The following CNTN4 variants were observed in gnomAD, a reference collection of about 807,000 sequenced individuals.
CNTN4 encodes contactin 4.
A neutral mutation model predicts 122.5 loss-of-function variants in CNTN4; 77 were observed. That is an observed-to-expected ratio of 0.63 (90% confidence interval 0.52 to 0.76). The LOEUF (loss-of-function observed/expected upper bound fraction) is 0.76. Ranked by LOEUF, CNTN4 falls within the 30% of genes least tolerant of loss-of-function variation. CNTN4 has a pLI of 0.00. For missense variants in CNTN4, 1,256 were observed against 1,259.1 expected (o/e 1.00, Z 0.04); for synonymous variants, 512 against 447.0 (o/e 1.15, Z -1.83).
intron 13 of CNTN4, among the ~76,000 whole-genome samples, chr3:2,934,831 C>G (rs1487150991): frequency 6.6e-6 from 1 of 152,236 alleles, no homozygotes; most frequent in African/African-American, 2.4e-5. Context: ...AGCGTCATTG[C>G]TCTAGTTAGA....
chr3:2,600,829 TG>T (rs201990664), intron 4 of CNTN4, among the ~76,000 whole-genome samples: 2,653 of 152,296 alleles, frequency 0.017, 39 homozygotes, highest in African/African-American at 0.045. Context: ...AGTGTAAAAG[TG>T]TTCCTATTTC....
At chr3:2,908,017 G>A (rs1396302196) in intron 12 of CNTN4, among the ~76,000 whole-genome samples, 1 of 152,112 alleles carries the variant, frequency 6.6e-6, no homozygotes, top group Non-Finnish European at 1.5e-5. Context: ...ACTCCTCCTA[G>A]ATCTTTTCTG....
intron 14 of CNTN4, among the ~76,000 whole-genome samples, chr3:3,012,437 G>A (rs955469835): frequency 2.0e-5 from 3 of 151,750 alleles, no homozygotes; most frequent in East Asian, 3.9e-4. Context: ...TTGTTTGATC[G>A]GTTTGGTTTT....
Position 3,057,321 on chromosome 3 carries a change from A to G in CNTN4, c.*1101A>G. 6.6e-6 allele frequency: 1 copy of G among 152,662 alleles called. No individual in the cohort carries two copies. Among genetic ancestry groups the G allele is most frequent in the African/African-American group, 2.4e-5 (1 of 41,470 alleles). The allele number at this position is 152,662 out of a possible 1,614,324, so 9.5% of individuals were successfully genotyped here. A position where few individuals can be genotyped will look rare whatever the true frequency, so the allele number is the denominator to read the frequency against. ...CTGCAAGAATTTTTAATATGACTCT[A>G]TAAAAGCTCTTTAGTACAATTGTAT... On this transcript the variant is annotated 3_prime_UTR_variant, in exon 25 of 25. Transcript: ENST00000418658.
In CNTN4 at chr3:2,166,880, A is replaced by C. The variant is rs558567356; in HGVS notation, c.-145+66241A>C. 3.9e-5 allele frequency among the ~76,000 whole-genome samples: 6 copies of C among 152,284 alleles called. No homozygotes were observed. The East Asian group carries it at 1.2e-3, about 29-fold the overall frequency. ...ATGAATAGCTCCTTAATGGCTAGAGAATGCAAAATAACACATAAGAAAAAG... is the reference window on the plus strand; with the variant it reads ...ATGAATAGCTCCTTAATGGCTAGAGCATGCAAAATAACACATAAGAAAAAG... On this transcript the variant is annotated intron_variant, in intron 2 of 24. Coordinates refer to ENST00000418658, the MANE Select transcript of CNTN4 (RefSeq NM_175607.3).
chr3:2,217,064 A>G (rs961328795), intron 2 of CNTN4, among the ~76,000 whole-genome samples: 1 of 152,174 alleles, frequency 6.6e-6, no homozygotes, highest in African/African-American at 2.4e-5. Flanking sequence ...AGGATCCTAC[A>G]TGAAATGTAG....
intron 2 of CNTN4, among the ~76,000 whole-genome samples, chr3:2,135,900 CT>C (rs2034670228): frequency 6.6e-6 from 1 of 152,180 alleles, no homozygotes; most frequent in Non-Finnish European, 1.5e-5. Flanking sequence ...TTTCATCACC[CT>C]TCTGGTAAAT....
rs565247056 is a variant in CNTN4, at chr3:2,889,110, G to A, written c.940+1886G>A. 3.3e-5 allele frequency among the ~76,000 whole-genome samples: 5 copies of A among 152,266 alleles called. No homozygotes were observed. In the East Asian group the frequency reaches 7.7e-4, roughly 24 times the overall value. On this transcript the variant is annotated intron_variant, in intron 10 of 24. Transcript: ENST00000418658. ...CCAAAGAATTCTGATCGATAATCAC[G>A]TAACATTTTTTAAATCTTGATTGGA...
At chr3:2,759,713 C>A (rs200975105) in intron 6 of CNTN4, among the ~76,000 whole-genome samples, 48 of 141,856 alleles carry the variant, frequency 3.4e-4, no homozygotes, top group Admixed American at 3.5e-4. Context: ...GACTCTGTCT[C>A]AAAAAAAAAA....
At chr3:2,787,132 T>C (rs762421356) in intron 6 of CNTN4, among the ~76,000 whole-genome samples, 31 of 152,238 alleles carry the variant, frequency 2.0e-4, no homozygotes, top group Non-Finnish European at 4.1e-4. Flanking sequence ...AACCCAGCAC[T>C]TTGGGAGGCC....
chr3:2,321,969 A>T (rs1466706136), intron 2 of CNTN4, among the ~76,000 whole-genome samples: 1 of 152,200 alleles, frequency 6.6e-6, no homozygotes, highest in East Asian at 1.9e-4. Flanking sequence ...GGGAAACCAC[A>T]AACAGAGGAA....
chr3:2,518,525 T>C (rs1289206586), intron 3 of CNTN4, among the ~76,000 whole-genome samples: 1 of 152,088 alleles, frequency 6.6e-6, no homozygotes, highest in African/African-American at 2.4e-5. Context: ...AATATATCTG[T>C]TTTGGTGAAC....
At chr3:3,024,268 C>T (rs1698532132) in intron 14 of CNTN4, among the ~76,000 whole-genome samples, 2 of 151,020 alleles carry the variant, frequency 1.3e-5, no homozygotes, top group South Asian at 4.2e-4. Context: ...TTTCAGTCTT[C>T]ATTTTTTCTT....
chr3:2,558,176 ACT>A (rs2078800420), intron 3 of CNTN4, among the ~76,000 whole-genome samples: 1 of 152,122 alleles, frequency 6.6e-6, no homozygotes, highest in South Asian at 2.1e-4. Flanking sequence ...TACGCCCATC[ACT>A]CTGATTCTAC....
At chr3:2,700,885 G>A (rs1360796635) in intron 4 of CNTN4, among the ~76,000 whole-genome samples, 7 of 152,132 alleles carry the variant, frequency 4.6e-5, no homozygotes, top group Non-Finnish European at 8.8e-5. Flanking sequence ...GAACGAACAT[G>A]TTTTGTCTGG....
At chr3:2,619,021 T>G (rs1407270786) in intron 4 of CNTN4, among the ~76,000 whole-genome samples, 1 of 152,198 alleles carries the variant, frequency 6.6e-6, no homozygotes, top group Non-Finnish European at 1.5e-5. Flanking sequence ...TATACCTCTC[T>G]GTTGTGCCTT....
intron 3 of CNTN4, among the ~76,000 whole-genome samples, chr3:2,455,023 C>T (rs773987928): frequency 2.0e-5 from 3 of 151,324 alleles, no homozygotes; most frequent in Non-Finnish European, 4.4e-5. Context: ...AGGCATACTT[C>T]ATCTGTTAGT....
At chr3:2,857,957 G>T (rs2093633670) in intron 7 of CNTN4, among the ~76,000 whole-genome samples, 1 of 152,160 alleles carries the variant, frequency 6.6e-6, no homozygotes, top group Admixed American at 6.5e-5. Context: ...CTAAGGGTCA[G>T]TTCCATTTAT....
At chr3:2,192,399 C>T (rs2037617897) in intron 2 of CNTN4, among the ~76,000 whole-genome samples, 2 of 152,098 alleles carry the variant, frequency 1.3e-5, no homozygotes, top group Admixed American at 6.6e-5. Flanking sequence ...CTGTTGTTTC[C>T]TGACTTTTTA....
Sources: allele counts gnomAD v4.1 joint callset (sites outside exome capture counted in the v4.1 genomes callset), GRCh38; gene constraint gnomAD v4.1.1; transcripts MANE v1.5; gene names NCBI Gene and HGNC (gene_info 2026-07-23, HGNC 2026-07-21).